Variants in SPTBN4 observed in about 807,000 individuals in gnomAD.
The protein encoded by SPTBN4 is spectrin beta, non-erythrocytic 4.
Under a neutral mutation model 277.8 loss-of-function variants are expected in SPTBN4, and 96 were observed. The observed-to-expected ratio is 0.35, with a 90% confidence interval of 0.29 to 0.41. SPTBN4 has a LOEUF of 0.41. Ranked by LOEUF, SPTBN4 falls within the 10% of genes least tolerant of loss-of-function variation. The pLI, the probability that SPTBN4 is intolerant of heterozygous loss-of-function variation, is 1.00. For synonymous variants in SPTBN4, 1,481 were observed against 1,580.3 expected (o/e 0.94, Z 1.49); for missense variants, 3,006 against 3,595.7 (o/e 0.84, Z 4.19).
chr19:40,468,360 G>A (rs909217227), intron 1 of SPTBN4, among the ~76,000 whole-genome samples: 5 of 152,080 alleles, frequency 3.3e-5, no homozygotes, highest in Admixed American at 1.3e-4. Flanking sequence ...GATTATAGGC[G>A]TGAGCCACCG....
chr19:40,571,759 C>T (rs1045395273), intron 33 of SPTBN4: 30 of 368,540 alleles, frequency 8.1e-5, no homozygotes, highest in African/African-American at 5.4e-4. Context: ...TAAGACTTAC[C>T]TTCAGGAAAT....
At chr19:40,562,529 C>CG (rs978131497) in intron 27 of SPTBN4, among the ~76,000 whole-genome samples, 2 of 55,704 alleles carry the variant, frequency 3.6e-5, no homozygotes, top group African/African-American at 1.5e-4. Context: ...GACTCTGTGT[C>CG]AAAAAAAAAA....
Position 40,527,268 on chromosome 19 carries a change from C to G in SPTBN4, c.3858-1773C>G, listed in dbSNP as rs73544929. Among the ~76,000 whole-genome samples the G allele has an allele frequency of 7.2e-3, 1,089 of 152,284 alleles. 12 individuals carry two copies. The highest frequency in any genetic ancestry group is 0.024 in the African/African-American group (998 of 41,556). On this transcript the variant is annotated intron_variant, in intron 17 of 35. Transcript: ENST00000598249. ...TTTCTGCCTCTGTCTTTCACAGATA[C>G]TGTACTTTTGTTTCTCCCATCTTTT... is the stretch of plus-strand genomic sequence containing the variant.
chr19:40,495,397 C>A (rs1176237599), intron 6 of SPTBN4, among the ~76,000 whole-genome samples: 1 of 152,162 alleles, frequency 6.6e-6, no homozygotes, highest in East Asian at 1.9e-4. Flanking sequence ...AATCCCTGCA[C>A]TTTGGGAGGC....
At chr19:40,474,092 C>A (rs1325436795) in intron 2 of SPTBN4, among the ~76,000 whole-genome samples, 1 of 128,830 alleles carries the variant, frequency 7.8e-6, no homozygotes, top group Non-Finnish European at 1.5e-5. Flanking sequence ...GTGGAGATTG[C>A]AGTGAGTCAA....
At chr19:40,516,238 A>T (rs1599755685) in intron 15 of SPTBN4, among the ~76,000 whole-genome samples, 1 of 38,932 alleles carries the variant, frequency 2.6e-5, no homozygotes. Flanking sequence ...ACCTTGTCTC[A>T]AAAAAAAAAA....
At chr19:40,532,911 C>T (rs1015249741) in intron 19 of SPTBN4, 140 bp downstream of exon 19, 2 of 1,073,608 alleles carry the variant, frequency 1.9e-6, no homozygotes, top group African/African-American at 3.2e-5. Flanking sequence ...CAGATCTGCT[C>T]CTAGCTATGT....
chr19:40,569,878 C>T (rs979369546), intron 32 of SPTBN4, 152 bp downstream of exon 32: 1 of 719,760 alleles, frequency 1.4e-6, no homozygotes, highest in African/African-American at 1.8e-5. Context: ...TCCCCAGAAT[C>T]TGAAAATGTC....
rs775144496 is a variant in SPTBN4 at position 40,513,398 on chromosome 19, C to T, written c.2609C>T (p.Ala870Val). Residue 870 changes from alanine to valine, a missense_variant, in exon 14 of 36, where the codon GCG (alanine) becomes GTG (valine). By Grantham distance (64) the Ala-to-Val change is moderately conservative (BLOSUM62 0). Coordinates refer to ENST00000598249, the MANE Select transcript of SPTBN4 (RefSeq NM_020971.3). ...EQLFAEVTEV[A>V]ALRRQWLRDA... Reference sequence around the variant, plus strand: ...TTGTTCGCTGAGGTGACCGAAGTGGCGGCGCTGAGGCGCCAGTGGCTGCGG... The same window carrying T: ...TTGTTCGCTGAGGTGACCGAAGTGGTGGCGCTGAGGCGCCAGTGGCTGCGG... The T allele has an allele frequency of 8.1e-6, 13 of 1,604,674 alleles. No homozygotes were observed. The East Asian group carries it at 2.2e-4, about 28-fold the overall frequency.
intron 15 of SPTBN4, among the ~76,000 whole-genome samples, chr19:40,517,986 G>A (rs1380489921): frequency 6.6e-6 from 1 of 152,176 alleles, no homozygotes; most frequent in Non-Finnish European, 1.5e-5. Context: ...AAATGGACAA[G>A]ATATTTAGAG....
rs758757026 is a variant in SPTBN4, at chr19:40,570,672, C to G, written c.7263C>G (p.His2421Gln). ...CACCGCCCACTCACACAGTGCAGCA[C>G]GAGGGCTTCCTACTGCGCAAGCGCG... ...PPPPPTHTVQ[H>Q]EGFLLRKREL... Residue 2421 changes from histidine to glutamine, a missense_variant, in exon 33 of 36, where the codon CAC (histidine) becomes CAG (glutamine). This residue lies in a region of SPTBN4 where 630 missense variants were observed against 677.6 expected (regional missense o/e 0.93). Coordinates refer to ENST00000598249, the MANE Select transcript of SPTBN4 (RefSeq NM_020971.3). The G allele has an allele frequency of 1.2e-6, 2 of 1,603,816 alleles. No individual in the cohort carries two copies. Among genetic ancestry groups the G allele is most frequent in the African/African-American group, 2.7e-5 (2 of 74,618 alleles).
chr19:40,493,899 G>A (rs113451769), intron 5 of SPTBN4, among the ~76,000 whole-genome samples: 1,835 of 152,250 alleles, frequency 0.012, 41 homozygotes, highest in African/African-American at 0.04. Flanking sequence ...ACATTCACCT[G>A]TGTGGACCCT....
rs746689481 is a variant in SPTBN4, at chr19:40,560,196, C to T, written c.5708C>T (p.Thr1903Met). 1.6e-5 allele frequency: 25 copies of T among 1,603,602 alleles called. No homozygotes were observed. The highest frequency in any genetic ancestry group is 5.0e-5 in the Admixed American group (3 of 59,972). ...QLQEGAAQLR[T>M]VYAGEHAEAI... is the part of the protein sequence containing the mutation. The stretch of plus-strand genomic sequence containing the variant: ...CAGGAGGGGGCGGCCCAGCTGCGGA[C>T]GGTGTATGCGGGTGAACATGCCGAG... Residue 1903 changes from threonine to methionine, a missense_variant, in exon 27 of 36, where the codon ACG becomes ATG. This residue lies in a region of SPTBN4 where 425 missense variants were observed against 594.7 expected (regional missense o/e 0.71). Coordinates refer to ENST00000598249, the MANE Select transcript of SPTBN4 (RefSeq NM_020971.3). The surrounding 1 kb of genome is among the most constrained non-coding windows in gnomAD (Gnocchi z 5.2).
At chr19:40,484,835 G>A (rs2080052051) in intron 2 of SPTBN4, among the ~76,000 whole-genome samples, 1 of 152,002 alleles carries the variant, frequency 6.6e-6, no homozygotes, top group Non-Finnish European at 1.5e-5. Context: ...AGGAGGCTGA[G>A]GCAGAAGAAT....
intron 15 of SPTBN4, among the ~76,000 whole-genome samples, chr19:40,517,083 C>A (rs1045991730): frequency 1.3e-4 from 20 of 152,156 alleles, no homozygotes; most frequent in Non-Finnish European, 1.5e-5. Flanking sequence ...GAGTCAAATA[C>A]AGTTCTGGCT....
intron 27 of SPTBN4, among the ~76,000 whole-genome samples, chr19:40,563,248 G>C (rs1048285939): frequency 2.0e-5 from 3 of 151,822 alleles, no homozygotes; most frequent in Non-Finnish European, 2.9e-5. Flanking sequence ...GCTGGGCATT[G>C]TGGTGCATGC....
intron 17 of SPTBN4, among the ~76,000 whole-genome samples, chr19:40,528,422 C>T (rs1320512012): frequency 6.6e-6 from 1 of 152,228 alleles, no homozygotes; most frequent in Non-Finnish European, 1.5e-5. Context: ...TGTCATCTCT[C>T]CCCACACTCT....
chr19:40,562,664 A>T lies in SPTBN4; in HGVS notation c.5915+2261A>T, dbSNP rs1388304697. Among the ~76,000 whole-genome samples, 3 of 150,866 alleles carry T rather than the reference A, an allele frequency of 2.0e-5. No individual in the cohort carries two copies. The Admixed American group carries it at 2.0e-4, about 10-fold the overall frequency. On this transcript the variant is annotated intron_variant, in intron 27 of 35. Coordinates refer to ENST00000598249, the MANE Select transcript of SPTBN4 (RefSeq NM_020971.3). ...AGCCTGACCAACATAGAGAAACCTC[A>T]TCTCTACTAAAAATACAAACTTAGC...
intron 2 of SPTBN4, among the ~76,000 whole-genome samples, chr19:40,476,718 G>A (rs564772315): frequency 7.2e-5 from 11 of 152,200 alleles, no homozygotes; most frequent in Admixed American, 5.2e-4. Context: ...CTCCCGAGTA[G>A]CTAGGACTAC....
Sources: gnomAD v4.1 joint callset for allele counts (sites outside exome capture counted in the v4.1 genomes callset) on GRCh38, gnomAD v4.1.1 for gene constraint, gnomAD v4.1.1 regional missense constraint, Gnocchi (gnomAD v3.1) non-coding constraint, MANE v1.5 for transcripts, NCBI Gene and HGNC (gene_info 2026-07-23, HGNC 2026-07-21) for gene names.